DENND5B: variants seen among roughly 807,000 people sequenced by gnomAD.
DENND5B encodes the protein DENN domain containing 5B.
DENND5B carries 34 observed loss-of-function variants against 140.6 expected under a neutral mutation model. The observed-to-expected ratio is 0.24, with a 90% CI of 0.18 to 0.32. The LOEUF is 0.32. DENND5B is among the 10% of genes least tolerant of loss of function. The pLI is 1.00. For synonymous variants in DENND5B, 551 were observed against 562.1 expected (o/e 0.98, Z 0.28); for missense variants, 1,142 against 1,560.2 (o/e 0.73, Z 4.52).
At position 31,385,834 on chromosome 12, in the gene DENND5B, G is replaced by C. The variant is rs893320820; in HGVS notation, c.*1769C>G. The stretch of plus-strand genomic sequence containing the variant: ...CTCCTGTACAGGCACCCGCCACCAC[G>C]CCCGGCTAATTTTTTGTATTTTTAG... On this transcript the variant is annotated 3_prime_UTR_variant, in exon 21 of 21. Coordinates refer to ENST00000389082, the MANE Select transcript of DENND5B (RefSeq NM_144973.4). 6.6e-6 allele frequency: 1 copy of C among 152,332 alleles called. No homozygotes were observed. Among genetic ancestry groups the C allele is most frequent in the African/African-American group, 2.4e-5 (1 of 41,420 alleles). 9.4% of individuals were successfully genotyped at this position (152,332 alleles called of 1,614,324 possible). A position where few individuals can be genotyped will look rare whatever the true frequency, so the allele number is the denominator to read the frequency against.
At position 31,495,903 on chromosome 12, in the gene DENND5B, C is replaced by A; in HGVS notation, c.144G>T (p.Gln48His). 6.2e-7 allele frequency: 1 copy of A among 1,609,268 alleles called. No individual in the cohort carries two copies. Among genetic ancestry groups the A allele is most frequent in the Non-Finnish European group, 8.5e-7 (1 of 1,177,962 alleles). Residue 48 changes from glutamine to histidine, a missense_variant, in exon 2 of 21, where the codon CAG becomes CAT. Coordinates refer to ENST00000389082, the MANE Select transcript of DENND5B (RefSeq NM_144973.4). ...ATTTGAATGTTCTTCTCAAAGGACT[C>A]TGGTCAAAATTTTCGCCTACAACAA... is the stretch of plus-strand genomic sequence containing the variant. ...PDELAGENFD[Q>H]SPLRRTFKSK...
At chr12:31,453,576 A>C (rs556174168) in intron 4 of DENND5B, among the ~76,000 whole-genome samples, 4 of 152,132 alleles carry the variant, frequency 2.6e-5, no homozygotes, top group Non-Finnish European at 4.4e-5. Context: ...CATCACATAA[A>C]AATAATATTG....
chr12:31,472,983 A>C (rs993038988), intron 3 of DENND5B, among the ~76,000 whole-genome samples: 3 of 151,934 alleles, frequency 2.0e-5, no homozygotes, highest in African/African-American at 7.2e-5. Flanking sequence ...TGTGTCACAC[A>C]GGCTGGAGTG....
chr12:31,388,834 C>T (rs1320760357), intron 20 of DENND5B, among the ~76,000 whole-genome samples: 2 of 152,106 alleles, frequency 1.3e-5, no homozygotes, highest in Admixed American at 6.5e-5. Context: ...GGTATATATA[C>T]ACTATATAAG....
intron 11 of DENND5B, among the ~76,000 whole-genome samples, chr12:31,421,047 T>A (rs916650481): frequency 6.6e-6 from 1 of 151,872 alleles, no homozygotes; most frequent in African/African-American, 2.4e-5. Flanking sequence ...CCCATCAAAA[T>A]TTTTTTTTGT....
intron 1 of DENND5B, among the ~76,000 whole-genome samples, chr12:31,552,016 A>T (rs1485300026): frequency 6.6e-6 from 1 of 152,140 alleles, no homozygotes. Context: ...GCAAACAGGG[A>T]CAATTTGACT....
At chr12:31,584,684 A>G (rs1950333440) in intron 1 of DENND5B, among the ~76,000 whole-genome samples, 1 of 151,970 alleles carries the variant, frequency 6.6e-6, no homozygotes, top group South Asian at 2.1e-4. Flanking sequence ...AAAATTAGCC[A>G]GGCATGGTGG....
chr12:31,541,016 G>A (rs897554345), intron 1 of DENND5B: 4 of 451,576 alleles, frequency 8.9e-6, no homozygotes, highest in Non-Finnish European at 1.8e-5. Context: ...GAAGAATGAA[G>A]GTTGACCCCG....
chr12:31,439,705 G>T (rs757626757), intron 7 of DENND5B, among the ~76,000 whole-genome samples: 65 of 151,826 alleles, frequency 4.3e-4, no homozygotes, highest in Non-Finnish European at 8.1e-4. Flanking sequence ...CGAGGTGGGC[G>T]GATAACCTGA....
At chr12:31,497,540 G>C (rs893164770) in intron 1 of DENND5B, among the ~76,000 whole-genome samples, 1 of 151,642 alleles carries the variant, frequency 6.6e-6, no homozygotes, top group African/African-American at 2.4e-5. Flanking sequence ...TCAGGGCTCA[G>C]AACTGATTTC....
At chr12:31,448,254 C>G (rs1944357334) in intron 5 of DENND5B, among the ~76,000 whole-genome samples, 1 of 152,124 alleles carries the variant, frequency 6.6e-6, no homozygotes, top group African/African-American at 2.4e-5. Flanking sequence ...CCTGCCTCAG[C>G]CTCCTGAGTA....
At chr12:31,467,720 A>G (rs116091638) in intron 3 of DENND5B, among the ~76,000 whole-genome samples, 1,727 of 152,354 alleles carry the variant, frequency 0.011, 35 homozygotes, top group African/African-American at 0.04. Context: ...CTGAACAATC[A>G]TAACAAGTAA....
intron 1 of DENND5B, 80 bp downstream of exon 1, chr12:31,590,626 T>G: frequency 7.3e-7 from 1 of 1,362,800 alleles, no homozygotes; most frequent in African/African-American, 1.6e-5. Flanking sequence ...GTCTGGAGCC[T>G]GCACCCCGCC....
chr12:31,575,516 T>C (rs1949979714), intron 1 of DENND5B, among the ~76,000 whole-genome samples: 1 of 152,196 alleles, frequency 6.6e-6, no homozygotes, highest in African/African-American at 2.4e-5. Flanking sequence ...AAAATTGATA[T>C]AAATTTAATA....
At chr12:31,555,454 G>A (rs1949244960) in intron 1 of DENND5B, among the ~76,000 whole-genome samples, 1 of 152,194 alleles carries the variant, frequency 6.6e-6, no homozygotes, top group South Asian at 2.1e-4. Context: ...TGAGGTGTCA[G>A]TCCACCCCTA....
At chr12:31,579,887 T>TAA (rs1950160643) in intron 1 of DENND5B, among the ~76,000 whole-genome samples, 6 of 151,740 alleles carry the variant, frequency 4.0e-5, no homozygotes, top group African/African-American at 7.3e-5. Flanking sequence ...GGACCTTACA[T>TAA]GGTGCCATCT....
intron 1 of DENND5B, among the ~76,000 whole-genome samples, chr12:31,523,607 C>CAAAAAA (rs201384267): frequency 1.4e-5 from 2 of 139,466 alleles, no homozygotes; most frequent in East Asian, 4.1e-4. Context: ...TGCTTTTCCT[C>CAAAAAA]AAAAAAAAAA....
At chr12:31,454,454 C>CT (rs1565594802) in intron 4 of DENND5B, among the ~76,000 whole-genome samples, 1 of 151,934 alleles carries the variant, frequency 6.6e-6, no homozygotes, top group Non-Finnish European at 1.5e-5. Flanking sequence ...CTTTTCTTTT[C>CT]TTTTTTTGAG....
chr12:31,502,248 G>A (rs926887802), intron 1 of DENND5B, among the ~76,000 whole-genome samples: 5 of 152,104 alleles, frequency 3.3e-5, no homozygotes, highest in African/African-American at 7.2e-5. Flanking sequence ...CCGGGAGGTG[G>A]AGGTTGCAGT....
Sources: gnomAD v4.1 joint callset for allele counts (sites outside exome capture counted in the v4.1 genomes callset) on GRCh38, gnomAD v4.1.1 for gene constraint, MANE v1.5 for transcripts, NCBI Gene and HGNC (gene_info 2026-07-23, HGNC 2026-07-21) for gene names.